Variants in MPPED2 observed in about 807,000 individuals in gnomAD.
MPPED2 encodes the protein metallophosphoesterase domain containing 2.
In MPPED2, 5 loss-of-function variants were observed where a neutral mutation model predicts 33.0. The observed-to-expected ratio is 0.15, with a 90% CI of 0.08 to 0.32. MPPED2 has a LOEUF of 0.32. Among genes scored for constraint, MPPED2 ranks in the 10% least tolerant of loss-of-function variants. The pLI is 1.00. For missense variants in MPPED2, 275 were observed against 372.1 expected (o/e 0.74, Z 2.15); for synonymous variants, 136 against 141.9 (o/e 0.96, Z 0.29).
chr11:30,494,131 G>A (rs1022105158), intron 4 of MPPED2, among the ~76,000 whole-genome samples: 1 of 152,190 alleles, frequency 6.6e-6, no homozygotes, highest in Non-Finnish European at 1.5e-5. Flanking sequence ...CAGAGTCTCT[G>A]GAGGAAGGGC....
intron 4 of MPPED2, among the ~76,000 whole-genome samples, chr11:30,464,027 T>C (rs1950608282): frequency 6.6e-6 from 1 of 152,134 alleles, no homozygotes; most frequent in African/African-American, 2.4e-5. Flanking sequence ...TAAAAACTGG[T>C]ATATAGCAAG....
chr11:30,536,041 G>A lies in MPPED2; in HGVS notation c.263C>T (p.Thr88Ile). The change falls in exon 3 of 7, where the codon ACC becomes ATC. Residue 88 changes from threonine (T) to isoleucine (I), a missense_variant. Coordinates refer to ENST00000358117, the MANE Select transcript of MPPED2 (RefSeq NM_001584.3). ...GDILLHTGDF[T>I]ELGLPSEVKK... is the part of the protein sequence containing the mutation. ...AACCTCTGAGGGCAGTCCCAGCTCGGTGAAATCGCCTGTGTGGAGAAGGAT... is the reference window on the plus strand; with the variant it reads ...AACCTCTGAGGGCAGTCCCAGCTCGATGAAATCGCCTGTGTGGAGAAGGAT... The A allele has an allele frequency of 6.2e-7, 1 of 1,613,180 alleles. No individual in the cohort carries two copies. Among genetic ancestry groups the A allele is most frequent in the Non-Finnish European group, 8.5e-7 (1 of 1,179,614 alleles).
At chr11:30,581,988 A>G (rs1188087326) in intron 1 of MPPED2, among the ~76,000 whole-genome samples, 2 of 152,204 alleles carry the variant, frequency 1.3e-5, no homozygotes, top group East Asian at 1.9e-4. Context: ...AGGATTAACT[A>G]AATTAAAATC....
intron 4 of MPPED2, among the ~76,000 whole-genome samples, chr11:30,470,861 A>T (rs1350718515): frequency 6.6e-6 from 1 of 152,134 alleles, no homozygotes. Flanking sequence ...GCCTCTAGCC[A>T]TCCTGCATAG....
chr11:30,536,878 G>A (rs1228603502), intron 2 of MPPED2, among the ~76,000 whole-genome samples: 1 of 152,096 alleles, frequency 6.6e-6, no homozygotes, highest in Non-Finnish European at 1.5e-5. Flanking sequence ...TACACCTGAG[G>A]TTACCAGGAA....
intron 3 of MPPED2, among the ~76,000 whole-genome samples, chr11:30,517,370 G>A (rs758617581): frequency 5.3e-5 from 8 of 152,118 alleles, no homozygotes; most frequent in Non-Finnish European, 8.8e-5. Context: ...TGAACACTGG[G>A]CATATTTCCC....
chr11:30,415,874 T>C (rs533085560), intron 5 of MPPED2, among the ~76,000 whole-genome samples: 10 of 152,332 alleles, frequency 6.6e-5, no homozygotes, highest in African/African-American at 2.2e-4. Context: ...CATGTAAATG[T>C]TTCTCTGCTG....
intron 2 of MPPED2, among the ~76,000 whole-genome samples, chr11:30,565,154 C>T (rs1473329649): frequency 6.6e-6 from 1 of 152,140 alleles, no homozygotes; most frequent in Non-Finnish European, 1.5e-5. Context: ...AATGCAACAC[C>T]GCAACTGCTA....
At chr11:30,550,871 T>C (rs61884749) in intron 2 of MPPED2, among the ~76,000 whole-genome samples, 2,108 of 152,282 alleles carry the variant, frequency 0.014, 26 homozygotes, top group South Asian at 0.044. Context: ...ACTCAACTTG[T>C]TCTATGCAAA....
chr11:30,567,947 T>C (rs1480242642), intron 2 of MPPED2, among the ~76,000 whole-genome samples: 2 of 152,152 alleles, frequency 1.3e-5, no homozygotes, highest in East Asian at 1.9e-4. Context: ...CCCTAAAAAC[T>C]TCTTCACAAG....
chr11:30,507,841 G>A (rs942663378), intron 3 of MPPED2, among the ~76,000 whole-genome samples: 5 of 152,092 alleles, frequency 3.3e-5, no homozygotes, highest in Admixed American at 2.6e-4. Context: ...CAAGCCTCCC[G>A]CTGGTATGAA....
At chr11:30,459,607 G>GCA (rs959178759) in intron 4 of MPPED2, among the ~76,000 whole-genome samples, 4 of 152,162 alleles carry the variant, frequency 2.6e-5, no homozygotes, top group African/African-American at 9.7e-5. Context: ...ATTCAGTATA[G>GCA]CAGTTTTCAA....
chr11:30,579,732 A>G (rs1957082761), intron 2 of MPPED2, among the ~76,000 whole-genome samples: 1 of 152,172 alleles, frequency 6.6e-6, no homozygotes, highest in African/African-American at 2.4e-5. Context: ...TTCACTAGCA[A>G]CAGGCAAGAC....
At chr11:30,516,016 C>A (rs569090397) in intron 3 of MPPED2, among the ~76,000 whole-genome samples, 2 of 152,176 alleles carry the variant, frequency 1.3e-5, no homozygotes, top group African/African-American at 4.8e-5. Flanking sequence ...ATAGCAGGCA[C>A]AGCAAATGCA....
intron 2 of MPPED2, among the ~76,000 whole-genome samples, chr11:30,541,564 A>G (rs771282919): frequency 9.9e-5 from 15 of 152,074 alleles, no homozygotes; most frequent in Non-Finnish European, 2.1e-4. Context: ...CCACTTTAAA[A>G]TCCTCAGGCT....
At chr11:30,559,337 G>A (rs1160896200) in intron 2 of MPPED2, among the ~76,000 whole-genome samples, 1 of 152,098 alleles carries the variant, frequency 6.6e-6, no homozygotes, top group African/African-American at 2.4e-5. Context: ...AAAATGTATT[G>A]TAAATTGCAA....
intron 2 of MPPED2, among the ~76,000 whole-genome samples, chr11:30,574,416 G>A (rs970320474): frequency 2.0e-5 from 3 of 152,156 alleles, no homozygotes; most frequent in African/African-American, 7.2e-5. Context: ...TACCATCTAC[G>A]TTTGTGTAAA....
chr11:30,527,908 A>C (rs1432962967), intron 3 of MPPED2, among the ~76,000 whole-genome samples: 6 of 152,222 alleles, frequency 3.9e-5, no homozygotes, highest in African/African-American at 1.2e-4. Context: ...AGCAGCAAAT[A>C]ACATTTCCTG....
intron 4 of MPPED2, among the ~76,000 whole-genome samples, chr11:30,435,859 G>A (rs1949300239): frequency 6.6e-6 from 1 of 152,006 alleles, no homozygotes; most frequent in Admixed American, 6.6e-5. Flanking sequence ...TAAACCTCAT[G>A]TTTTTTTCCC....
Sources: gnomAD v4.1 joint callset for allele counts (sites outside exome capture counted in the v4.1 genomes callset) on GRCh38, gnomAD v4.1.1 for gene constraint, MANE v1.5 for transcripts, NCBI Gene and HGNC (gene_info 2026-07-23, HGNC 2026-07-21) for gene names.